Variants in RANBP2 observed in about 807,000 individuals in gnomAD.
The protein encoded by RANBP2 is RAN binding protein 2, also known as E3 SUMO-protein ligase RanBP2.
A neutral mutation model predicts 303.6 loss-of-function variants in RANBP2; 57 were observed. That is an observed-to-expected ratio of 0.19 (90% confidence interval 0.15 to 0.23). The LOEUF is 0.23. Among genes scored for constraint, RANBP2 ranks in the 10% least tolerant of loss-of-function variants. RANBP2 has a pLI of 1.00. For synonymous variants in RANBP2, 1,167 were observed against 1,301.5 expected (o/e 0.90, Z 2.23); for missense variants, 3,138 against 3,780.8 (o/e 0.83, Z 4.46).
At chr2:109,075,758 C>G in the RANBP2 span, among the ~76,000 whole-genome samples, 1 of 150,242 alleles carries the variant, frequency 6.7e-6, no homozygotes, top group Non-Finnish European at 1.5e-5. Flanking sequence ...ATGCAACCTA[C>G]CAAGACTTAA....
the RANBP2 span, among the ~76,000 whole-genome samples, chr2:109,406,447 G>C: frequency 6.6e-6 from 1 of 152,062 alleles, no homozygotes. Context: ...AGCAGCCCAC[G>C]TTCTCGGAGG....
the RANBP2 span, among the ~76,000 whole-genome samples, chr2:108,979,762 C>T: frequency 6.6e-6 from 1 of 152,162 alleles, no homozygotes; most frequent in Non-Finnish European, 1.5e-5. Context: ...CACTGAGGCG[C>T]ATGTCACCAG....
chr2:109,454,201 C>G, the RANBP2 span, among the ~76,000 whole-genome samples: 1 of 152,216 alleles, frequency 6.6e-6, no homozygotes, highest in Non-Finnish European at 1.5e-5. Context: ...ATACTTACAA[C>G]AATTACAATC....
chr2:109,437,234 C>T, the RANBP2 span: 1 of 1,485,312 alleles, frequency 6.7e-7, no homozygotes, highest in Non-Finnish European at 9.0e-7. Context: ...CCCAAGGCTC[C>T]AGCAGTGCAT....
At chr2:109,418,955 G>A in the RANBP2 span, among the ~76,000 whole-genome samples, 1 of 152,100 alleles carries the variant, frequency 6.6e-6, no homozygotes, top group Non-Finnish European at 1.5e-5. Context: ...TGTCCCCAGA[G>A]AGCACAGCGC....
the RANBP2 span, among the ~76,000 whole-genome samples, chr2:109,705,131 G>A: frequency 6.6e-6 from 1 of 150,772 alleles, no homozygotes; most frequent in Non-Finnish European, 1.5e-5. Context: ...GGGGCCAGGT[G>A]CAGTGGCTCA....
chr2:109,328,812 T>C, the RANBP2 span, among the ~76,000 whole-genome samples: 1 of 152,288 alleles, frequency 6.6e-6, no homozygotes, highest in African/African-American at 2.4e-5. Flanking sequence ...CATGAAAATA[T>C]TTCACCTGAA....
At chr2:108,749,815 A>T (rs1675713511) in intron 9 of RANBP2, among the ~76,000 whole-genome samples, 1 of 151,814 alleles carries the variant, frequency 6.6e-6, no homozygotes, top group Admixed American at 6.6e-5. Context: ...GCTAGTCTTG[A>T]ACTCCTAGGC....
chr2:108,930,000 C>T, the RANBP2 span: 74 of 1,263,730 alleles, frequency 5.9e-5, no homozygotes, highest in East Asian at 1.8e-3. Flanking sequence ...GGAGCGTGAC[C>T]GGCTGGTTTG....
chr2:109,584,717 T>G, the RANBP2 span, among the ~76,000 whole-genome samples: 1 of 152,168 alleles, frequency 6.6e-6, no homozygotes, highest in Non-Finnish European at 1.5e-5. Flanking sequence ...ACTGGCTAAT[T>G]TGATTATAAT....
the RANBP2 span, among the ~76,000 whole-genome samples, chr2:109,201,307 C>G: frequency 6.6e-6 from 1 of 152,260 alleles, no homozygotes; most frequent in African/African-American, 2.4e-5. Context: ...CAGCCCCACT[C>G]TCCCACAGGC....
At chr2:108,951,142 T>C in the RANBP2 span, among the ~76,000 whole-genome samples, 1 of 152,252 alleles carries the variant, frequency 6.6e-6, no homozygotes, top group Non-Finnish European at 1.5e-5. Context: ...GAGGATTCTA[T>C]GTAGCTTGAA....
the RANBP2 span, among the ~76,000 whole-genome samples, chr2:109,437,327 A>G: frequency 6.6e-6 from 1 of 151,916 alleles, no homozygotes; most frequent in Non-Finnish European, 1.5e-5. Flanking sequence ...GATGAAAAGA[A>G]ATTATGGGGT....
At chr2:109,662,844 G>A in the RANBP2 span, among the ~76,000 whole-genome samples, 8 of 152,136 alleles carry the variant, frequency 5.3e-5, no homozygotes, top group Middle Eastern at 3.4e-3. Context: ...TATTCCCACC[G>A]CCTTCTCCCT....
chr2:109,133,979 G>A, the RANBP2 span, among the ~76,000 whole-genome samples: 7 of 152,166 alleles, frequency 4.6e-5, no homozygotes, highest in Admixed American at 1.3e-4. Context: ...TGGTCAGCTA[G>A]TGGAGGCCAG....
At chr2:109,104,570 G>A in the RANBP2 span, among the ~76,000 whole-genome samples, 2 of 151,340 alleles carry the variant, frequency 1.3e-5, no homozygotes, top group South Asian at 4.2e-4. Flanking sequence ...TGCAAGCTCC[G>A]CCTCCCGGGT....
the RANBP2 span, among the ~76,000 whole-genome samples, chr2:109,547,487 G>GA: frequency 1.3e-5 from 2 of 150,082 alleles, no homozygotes; most frequent in Non-Finnish European, 3.0e-5. Context: ...TCTCTTAAGT[G>GA]AAAAAAGCAG....
chr2:109,577,156 A>G, the RANBP2 span, among the ~76,000 whole-genome samples: 1 of 152,200 alleles, frequency 6.6e-6, no homozygotes, highest in Admixed American at 6.6e-5. Flanking sequence ...GTGGAATGAT[A>G]TTTCCAATGG....
chr2:109,477,030 T>A, the RANBP2 span, among the ~76,000 whole-genome samples: 5 of 152,316 alleles, frequency 3.3e-5, no homozygotes, highest in Middle Eastern at 3.4e-3. Flanking sequence ...ATCTGTGCCT[T>A]GTGCTGACCT....
Sources: gnomAD v4.1 joint callset for allele counts (sites outside exome capture counted in the v4.1 genomes callset) on GRCh38, gnomAD v4.1.1 for gene constraint, MANE v1.5 for transcripts, NCBI Gene and HGNC (gene_info 2026-07-23, HGNC 2026-07-21) for gene names.